SMYD3: variants seen among roughly 807,000 people sequenced by gnomAD.
The protein encoded by SMYD3 is histone-lysine N-methyltransferase SMYD3.
Under a neutral mutation model 57.7 loss-of-function variants are expected in SMYD3, and 36 were observed. That is an observed-to-expected ratio of 0.62 (90% CI 0.48 to 0.82). The LOEUF (loss-of-function observed/expected upper bound fraction) is 0.82, where lower values mean the gene tolerates loss of function less well. Among genes scored for constraint, SMYD3 ranks in the 40% least tolerant of loss-of-function variants. The pLI is 0.00. For missense variants in SMYD3, 515 were observed against 538.8 expected (o/e 0.96, Z 0.44); for synonymous variants, 211 against 195.0 (o/e 1.08, Z -0.68).
At chr1:246,214,597 C>T (rs574459848) in intron 5 of SMYD3, among the ~76,000 whole-genome samples, 15 of 152,162 alleles carry the variant, frequency 9.9e-5, no homozygotes, top group South Asian at 2.1e-4. Flanking sequence ...AATAAGTATG[C>T]CTCCAAGAAG....
At chr1:245,822,377 T>A (rs1289263206) in intron 10 of SMYD3, among the ~76,000 whole-genome samples, 1 of 120,488 alleles carries the variant, frequency 8.3e-6, no homozygotes, top group Non-Finnish European at 1.6e-5. Context: ...AAGGGGAACA[T>A]CACACTCTGG....
chr1:245,951,559 GCTCT>G (rs1183604207), intron 5 of SMYD3, among the ~76,000 whole-genome samples: 1 of 107,470 alleles, frequency 9.3e-6, no homozygotes, highest in Non-Finnish European at 1.8e-5. Flanking sequence ...ACAGAGCGAG[GCTCT>G]CTCTCAAAAA....
intron 1 of SMYD3, among the ~76,000 whole-genome samples, chr1:246,476,112 A>G (rs904540750): frequency 1.3e-5 from 2 of 152,226 alleles, no homozygotes; most frequent in Non-Finnish European, 2.9e-5. Flanking sequence ...ATGAATATGG[A>G]CATTTTATTC....
chr1:246,383,276 G>A, intron 1 of SMYD3, among the ~76,000 whole-genome samples: 1 of 152,246 alleles, frequency 6.6e-6, no homozygotes, highest in East Asian at 1.9e-4. Context: ...ATTTGAATGA[G>A]TGTTGGGGAT....
At chr1:246,434,805 C>T (rs1045023689) in intron 1 of SMYD3, among the ~76,000 whole-genome samples, 1 of 152,096 alleles carries the variant, frequency 6.6e-6, no homozygotes, top group Non-Finnish European at 1.5e-5. Flanking sequence ...GGTATCTATC[C>T]AAAAGAAAAG....
intron 5 of SMYD3, among the ~76,000 whole-genome samples, chr1:246,149,848 C>T (rs1340707494): frequency 2.0e-5 from 3 of 152,202 alleles, no homozygotes; most frequent in East Asian, 1.9e-4. Context: ...ACAAAACTTG[C>T]TCATATGCAA....
intron 5 of SMYD3, among the ~76,000 whole-genome samples, chr1:246,144,760 C>A (rs1161537175): frequency 1.3e-5 from 2 of 152,122 alleles, no homozygotes; most frequent in South Asian, 4.1e-4. Flanking sequence ...ATAAACAAGA[C>A]CTTTGGAAAA....
chr1:245,871,461 T>C (rs186059811), intron 8 of SMYD3, among the ~76,000 whole-genome samples: 51 of 152,344 alleles, frequency 3.3e-4, no homozygotes, highest in African/African-American at 1.2e-3. Flanking sequence ...TTCACTGTTA[T>C]ATCAACTACA....
At chr1:245,816,599 A>G (rs2048817628) in intron 10 of SMYD3, among the ~76,000 whole-genome samples, 1 of 151,674 alleles carries the variant, frequency 6.6e-6, no homozygotes, top group Non-Finnish European at 1.5e-5. Flanking sequence ...CGTGAGTGAC[A>G]TAGAAGACGG....
At chr1:246,323,828 A>C (rs2065290073) in intron 5 of SMYD3, among the ~76,000 whole-genome samples, 2 of 146,132 alleles carry the variant, frequency 1.4e-5, no homozygotes, top group South Asian at 4.2e-4. Flanking sequence ...TCAACTAACA[A>C]ACACCTCTCA....
intron 8 of SMYD3, among the ~76,000 whole-genome samples, chr1:245,890,176 G>C (rs1388654668): frequency 2.0e-5 from 3 of 152,158 alleles, no homozygotes; most frequent in Non-Finnish European, 4.4e-5. Flanking sequence ...TGTGGGCAAA[G>C]ATTTCTTGAG....
chr1:245,786,216 G>GGGT lies in SMYD3; in HGVS notation c.1077-22068_1077-22067insACC, dbSNP rs1553321366. ...CTGAGTTGAGTTGGGGTGTGGACGGGGGGGGGATGGTGGCAACAGAATATT... is the reference window on the plus strand; with the variant it reads ...CTGAGTTGAGTTGGGGTGTGGACGGGGGTGGGGGGATGGTGGCAACAGAATATT... On this transcript the variant is annotated intron_variant, in intron 10 of 11. Coordinates refer to ENST00000490107, the MANE Select transcript of SMYD3 (RefSeq NM_001167740.2). Among the ~76,000 whole-genome samples the GGGT allele has an allele frequency of 5.4e-4, 75 of 138,422 alleles. 5 individuals carry two copies. Among genetic ancestry groups the GGGT allele is most frequent in the African/African-American group, 1.8e-3 (70 of 38,730 alleles). 90.8% of individuals were successfully genotyped at this position (138,422 alleles called of 152,430 possible).
intron 5 of SMYD3, among the ~76,000 whole-genome samples, chr1:246,041,465 G>A (rs1416101830): frequency 6.6e-6 from 1 of 152,194 alleles, no homozygotes; most frequent in Admixed American, 6.5e-5. Context: ...GTTTCTAATA[G>A]TAAGTTTCTT....
At chr1:246,356,002 A>G (rs1461573447) in intron 1 of SMYD3, among the ~76,000 whole-genome samples, 1 of 152,148 alleles carries the variant, frequency 6.6e-6, no homozygotes, top group East Asian at 1.9e-4. Context: ...TGTTCCTGAA[A>G]GCACCAACTC....
Position 246,050,678 on chromosome 1 carries a change from T to C in SMYD3, c.532-120741A>G, listed in dbSNP as rs148219903. Among the ~76,000 whole-genome samples the C allele has an allele frequency of 1.5e-3, 230 of 152,256 alleles. 3 individuals carry two copies. Among genetic ancestry groups the C allele is most frequent in the African/African-American group, 5.1e-3 (211 of 41,538 alleles). On this transcript the variant is annotated intron_variant, in intron 5 of 11. Transcript: ENST00000490107. ...GAACTAAAATGGTGAACGCTGAGAC[T>C]GCCGGAAGATTTTTGTTGTGTTGTA...
At chr1:246,331,664 A>G (rs527905586) in intron 3 of SMYD3, among the ~76,000 whole-genome samples, 4 of 152,352 alleles carry the variant, frequency 2.6e-5, no homozygotes, top group Non-Finnish European at 5.9e-5. Context: ...TAACACAGGC[A>G]TACCTCATTT....
At chr1:246,231,501 C>T (rs2148448579) in intron 5 of SMYD3, among the ~76,000 whole-genome samples, 1 of 152,230 alleles carries the variant, frequency 6.6e-6, no homozygotes, top group East Asian at 1.9e-4. Flanking sequence ...TAACTATAAA[C>T]TACATATTAA....
intron 5 of SMYD3, among the ~76,000 whole-genome samples, chr1:246,056,491 G>C (rs2060153058): frequency 6.6e-6 from 1 of 152,010 alleles, no homozygotes; most frequent in South Asian, 2.1e-4. Context: ...GAGATTAAGT[G>C]GCAAAGCTCA....
chr1:246,352,837 G>A (rs1347312695), intron 2 of SMYD3, among the ~76,000 whole-genome samples: 4 of 151,734 alleles, frequency 2.6e-5, no homozygotes. Flanking sequence ...ACAAAACAGG[G>A]GAAAAAAATG....
Sources: allele counts gnomAD v4.1 joint callset (sites outside exome capture counted in the v4.1 genomes callset), GRCh38; gene constraint gnomAD v4.1.1; transcripts MANE v1.5; gene names NCBI Gene and HGNC (gene_info 2026-07-23, HGNC 2026-07-21).